ALK: variants seen among roughly 807,000 people sequenced by gnomAD.
ALK encodes ALK tyrosine kinase receptor.
In ALK, 74 loss-of-function variants were observed where a neutral mutation model predicts 163.1. That is an observed-to-expected ratio of 0.45 (90% CI 0.38 to 0.55). The LOEUF is 0.55. Among genes scored for constraint, ALK ranks in the 20% least tolerant of loss-of-function variants. The pLI is 0.00. For synonymous variants in ALK, 960 were observed against 843.2 expected, an observed-to-expected ratio of 1.14 and a Z score of -2.40; for missense variants, 2,063 against 2,105.3, an observed-to-expected ratio of 0.98 and a Z score of 0.39.
intron 16 of ALK, among the ~76,000 whole-genome samples, chr2:29,228,454 G>A (rs1227027696): frequency 6.6e-6 from 1 of 152,198 alleles, no homozygotes; most frequent in Non-Finnish European, 1.5e-5. Context: ...CCATCAGCAG[G>A]CACAGCGGCG....
intron 3 of ALK, among the ~76,000 whole-genome samples, chr2:29,544,465 C>T (rs150495928): frequency 1.4e-4 from 22 of 152,202 alleles, no homozygotes; most frequent in Non-Finnish European, 2.8e-4. Context: ...TGCACAGAAC[C>T]CTTTTGTTAC....
At chr2:29,273,357 G>A (rs1036715230) in intron 11 of ALK, among the ~76,000 whole-genome samples, 1 of 152,228 alleles carries the variant, frequency 6.6e-6, no homozygotes, top group Non-Finnish European at 1.5e-5. Flanking sequence ...GAGAATGAGG[G>A]GTCAAGTTTC....
At chr2:29,725,154 C>CCAAAAAAA (rs1553352985) in intron 1 of ALK, among the ~76,000 whole-genome samples, 9 of 67,376 alleles carry the variant, frequency 1.3e-4, no homozygotes, top group African/African-American at 4.8e-4. Flanking sequence ...TATCCTATAC[C>CCAAAAAAA]AAAAAAAAAA....
chr2:29,226,123 A>G (rs775594219), intron 18 of ALK, among the ~76,000 whole-genome samples: 1 of 152,082 alleles, frequency 6.6e-6, no homozygotes, highest in Admixed American at 6.6e-5. Flanking sequence ...AAGAGACACA[A>G]AACTGCATCT....
chr2:29,730,350 T>C (rs150383679), intron 1 of ALK, among the ~76,000 whole-genome samples: 1 of 152,294 alleles, frequency 6.6e-6, no homozygotes, highest in African/African-American at 2.4e-5. Context: ...TACAGAATTA[T>C]AGTGTTATGT....
chr2:29,277,319 C>T (rs181673821), intron 9 of ALK, among the ~76,000 whole-genome samples: 1 of 152,216 alleles, frequency 6.6e-6, no homozygotes. Context: ...CTCTGATCAA[C>T]GTGTAGAAGA....
At chr2:29,784,350 G>T (rs1353582198) in intron 1 of ALK, among the ~76,000 whole-genome samples, 1 of 152,178 alleles carries the variant, frequency 6.6e-6, no homozygotes, top group Admixed American at 6.5e-5. Flanking sequence ...TCTGAGGCTG[G>T]TAGGAACACA....
chr2:29,720,773 A>G (rs1191470687), intron 1 of ALK, among the ~76,000 whole-genome samples: 1 of 152,212 alleles, frequency 6.6e-6, no homozygotes, highest in Non-Finnish European at 1.5e-5. Context: ...CAACCACTGC[A>G]GGGAAGGATT....
Position 29,564,444 on chromosome 2 carries a change from C to A in ALK, c.953-32328G>T, listed in dbSNP as rs530425481. Among the ~76,000 whole-genome samples, 176 of 107,864 alleles carry A rather than the reference C, an allele frequency of 1.6e-3. 1 individual carries two copies. The highest frequency in any genetic ancestry group is 5.8e-3 in the East Asian group (25 of 4,340). The allele number at this position is 107,864 out of a possible 152,430, so 70.8% of individuals were successfully genotyped here. Reference sequence around the variant, plus strand: ...TGCATAAAGGATCCCTACCACCACCCCCACCGCCACCCTTGTAAGAGAAGA... The same window carrying A: ...TGCATAAAGGATCCCTACCACCACCACCACCGCCACCCTTGTAAGAGAAGA... On this transcript the variant is annotated intron_variant, in intron 3 of 28. Transcript: ENST00000389048.
chr2:29,211,036 T>C (rs1276833801), intron 24 of ALK, among the ~76,000 whole-genome samples: 3 of 152,218 alleles, frequency 2.0e-5, no homozygotes, highest in Admixed American at 1.3e-4. Flanking sequence ...AGCTGCTGTT[T>C]TCATGTTCAA....
intron 1 of ALK, among the ~76,000 whole-genome samples, chr2:29,846,626 T>G (rs1177020483): frequency 6.6e-6 from 1 of 152,078 alleles, no homozygotes; most frequent in African/African-American, 2.4e-5. Flanking sequence ...AAAGTCCACC[T>G]CCTCCCCCGG....
chr2:29,461,039 A>T (rs1376381114), intron 4 of ALK, among the ~76,000 whole-genome samples: 2 of 152,200 alleles, frequency 1.3e-5, no homozygotes, highest in Admixed American at 1.3e-4. Context: ...TGTGCAGAAA[A>T]GTTTCGGTGT....
intron 3 of ALK, among the ~76,000 whole-genome samples, chr2:29,541,934 C>T (rs552263316): frequency 6.6e-6 from 1 of 152,320 alleles, no homozygotes; most frequent in South Asian, 2.1e-4. Flanking sequence ...CCTCCTCTTC[C>T]CTTCCTCCCA....
intron 2 of ALK, among the ~76,000 whole-genome samples, chr2:29,708,196 T>C (rs1371247661): frequency 6.6e-6 from 1 of 152,182 alleles, no homozygotes; most frequent in Admixed American, 6.5e-5. Flanking sequence ...GCCTCCCAAG[T>C]AGCTGGGATT....
At chr2:29,731,836 A>G (rs952847714) in intron 1 of ALK, among the ~76,000 whole-genome samples, 3 of 152,210 alleles carry the variant, frequency 2.0e-5, no homozygotes, top group African/African-American at 7.2e-5. Flanking sequence ...ATAATACTAC[A>G]TCTATCTCTT....
intron 1 of ALK, among the ~76,000 whole-genome samples, chr2:29,842,272 T>C (rs12464131): frequency 0.15 from 22,543 of 152,178 alleles, 1,846 homozygotes; most frequent in South Asian, 0.22. Context: ...TAGATTCTCA[T>C]GGTTGCAACG....
chr2:29,891,565 C>T (rs1667146734), intron 1 of ALK, among the ~76,000 whole-genome samples: 1 of 152,162 alleles, frequency 6.6e-6, no homozygotes, highest in Non-Finnish European at 1.5e-5. Flanking sequence ...TATCCCATCT[C>T]ATTTAAAAAT....
chr2:29,275,245 C>A lies in ALK; in HGVS notation c.1913-18G>T, dbSNP rs1665504065. Reference sequence around the variant, plus strand: ...TCCGCTAACTGCAATAGAGAAGACCCCACGGGCTGAGTTAGGTGAGGGTTG... The same window carrying A: ...TCCGCTAACTGCAATAGAGAAGACCACACGGGCTGAGTTAGGTGAGGGTTG... On this transcript the variant is annotated intron_variant, in intron 10 of 28. Transcript: ENST00000389048. 1 of 1,613,950 alleles carries A rather than the reference C, an allele frequency of 6.2e-7. No homozygotes were observed. Among genetic ancestry groups the A allele is most frequent in the Non-Finnish European group, 8.5e-7 (1 of 1,180,034 alleles).
intron 26 of ALK, among the ~76,000 whole-genome samples, chr2:29,204,904 A>T (rs965189700): frequency 6.6e-6 from 1 of 152,098 alleles, no homozygotes; most frequent in Non-Finnish European, 1.5e-5. Flanking sequence ...ACTTATCACT[A>T]TTGAGGTTGA....
Sources: gnomAD v4.1 joint callset for allele counts (sites outside exome capture counted in the v4.1 genomes callset) on GRCh38, gnomAD v4.1.1 for gene constraint, MANE v1.5 for transcripts, NCBI Gene and HGNC (gene_info 2026-07-23, HGNC 2026-07-21) for gene names.